Variants in CSMD1 observed in about 807,000 individuals in gnomAD.
CSMD1 encodes the protein CUB and Sushi multiple domains 1.
Under a neutral mutation model 417.5 loss-of-function variants are expected in CSMD1, and 213 were observed. The ratio of observed to expected loss-of-function variants is 0.51; its 90% confidence interval spans 0.46 to 0.57. The LOEUF is 0.57. Ranked by LOEUF, CSMD1 falls within the 20% of genes least tolerant of loss-of-function variation. CSMD1 has a pLI of 0.00. For synonymous variants in CSMD1, 2,862 were observed against 1,736.8 expected (o/e 1.65, Z -16.11); for missense variants, 6,923 against 4,529.7 (o/e 1.53, Z -15.17).
intron 2 of CSMD1, among the ~76,000 whole-genome samples, chr8:4,477,648 G>A (rs578084775): frequency 2.6e-5 from 4 of 152,174 alleles, no homozygotes; most frequent in South Asian, 2.1e-4. Flanking sequence ...CTAAGAAATC[G>A]TTGACTGGGT....
At chr8:3,980,204 G>C (rs1308361822) in intron 5 of CSMD1, among the ~76,000 whole-genome samples, 1 of 152,148 alleles carries the variant, frequency 6.6e-6, no homozygotes, top group Non-Finnish European at 1.5e-5. Context: ...ATCAAAATTA[G>C]CTATGCCTCA....
chr8:3,015,139 C>T (rs547336949), intron 52 of CSMD1, among the ~76,000 whole-genome samples: 4 of 151,550 alleles, frequency 2.6e-5, no homozygotes, highest in South Asian at 2.1e-4. Context: ...CATTTTCATA[C>T]CAGTTTCAAG....
At chr8:3,343,266 G>A (rs768976488) in intron 23 of CSMD1, 28 bp downstream of exon 23, 1 of 1,597,224 alleles carries the variant, frequency 6.3e-7, no homozygotes, top group Non-Finnish European at 8.6e-7. Context: ...AATGAAAAAA[G>A]AACGTGATTA....
intron 10 of CSMD1, among the ~76,000 whole-genome samples, chr8:3,533,685 T>A (rs1037211388): frequency 2.0e-5 from 3 of 152,262 alleles, no homozygotes; most frequent in Non-Finnish European, 1.5e-5. Flanking sequence ...TAACACTTAT[T>A]TCACCACACG....
chr8:3,387,351 A>G (rs1811068041), intron 18 of CSMD1, 143 bp downstream of exon 18: 3 of 612,378 alleles, frequency 4.9e-6, no homozygotes, highest in Admixed American at 3.0e-5. Context: ...GAATGATACG[A>G]TGATGGTATA....
chr8:3,670,688 G>A (rs1185843735), intron 7 of CSMD1, among the ~76,000 whole-genome samples: 1 of 145,040 alleles, frequency 6.9e-6, no homozygotes, highest in Non-Finnish European at 1.5e-5. Context: ...TATATGTATG[G>A]GATATATGTA....
intron 3 of CSMD1, among the ~76,000 whole-genome samples, chr8:4,071,974 C>G (rs1305920432): frequency 6.6e-6 from 1 of 152,092 alleles, no homozygotes; most frequent in Non-Finnish European, 1.5e-5. Flanking sequence ...CTAGAGCTCT[C>G]CTTTCTGGGA....
At chr8:4,401,363 T>A (rs898527097) in intron 3 of CSMD1, among the ~76,000 whole-genome samples, 2 of 152,190 alleles carry the variant, frequency 1.3e-5, no homozygotes, top group African/African-American at 4.8e-5. Flanking sequence ...GTTATTACAT[T>A]TTATTCACCA....
At chr8:3,206,411 CTGTGT>C (rs1797267780) in intron 30 of CSMD1, among the ~76,000 whole-genome samples, 2 of 89,542 alleles carry the variant, frequency 2.2e-5, no homozygotes, top group Non-Finnish European at 4.1e-5. Flanking sequence ...GGGGTTATGT[CTGTGT>C]GTGTATGTGT....
intron 10 of CSMD1, among the ~76,000 whole-genome samples, chr8:3,500,409 G>A (rs529025251): frequency 6.6e-6 from 1 of 152,136 alleles, no homozygotes; most frequent in East Asian, 1.9e-4. Flanking sequence ...GAGCTTGGGA[G>A]AGGTTCACGA....
intron 10 of CSMD1, among the ~76,000 whole-genome samples, chr8:3,507,564 C>G (rs547001041): frequency 1.3e-5 from 2 of 152,074 alleles, no homozygotes; most frequent in African/African-American, 4.8e-5. Flanking sequence ...GTTCTAGATC[C>G]CTGAGGAATC....
At chr8:3,986,458 C>T (rs911958217) in intron 5 of CSMD1, among the ~76,000 whole-genome samples, 4 of 152,122 alleles carry the variant, frequency 2.6e-5, no homozygotes, top group African/African-American at 9.7e-5. Context: ...AGGGTATAGC[C>T]ATGTGCAAAG....
intron 1 of CSMD1, among the ~76,000 whole-genome samples, chr8:4,928,110 C>A (rs1806994030): frequency 6.6e-6 from 1 of 152,146 alleles, no homozygotes; most frequent in African/African-American, 2.4e-5. Context: ...ATCCTCAGCC[C>A]ACTTTGCTAT....
chr8:4,679,996 A>C (rs1805936121), intron 1 of CSMD1, among the ~76,000 whole-genome samples: 1 of 152,198 alleles, frequency 6.6e-6, no homozygotes, highest in Non-Finnish European at 1.5e-5. Context: ...AACAGCTTGT[A>C]ATTTGTTTTA....
Position 4,897,237 on chromosome 8 carries a change from T to G in CSMD1, c.85+97095A>C, listed in dbSNP as rs758429910. On this transcript the variant is annotated intron_variant, in intron 1 of 69. Coordinates refer to ENST00000635120, the MANE Select transcript of CSMD1 (RefSeq NM_033225.6). ...CAACACGTCTGTTTTGTTTCTACTG[T>G]GTCAAAATCCTTTCATCGTATCAAC... Among the ~76,000 whole-genome samples the G allele has an allele frequency of 1.5e-4, 23 of 152,230 alleles. 1 individual carries two copies. The highest frequency in any genetic ancestry group is 2.2e-4 in the Non-Finnish European group (15 of 68,024).
intron 5 of CSMD1, among the ~76,000 whole-genome samples, chr8:3,896,744 G>GT (rs986079506): frequency 3.9e-4 from 59 of 151,760 alleles, no homozygotes; most frequent in African/African-American, 1.1e-3. Context: ...TCCTGAATAT[G>GT]TTTTTTTTAA....
At chr8:4,011,539 C>T (rs893386610) in intron 4 of CSMD1, among the ~76,000 whole-genome samples, 2 of 152,144 alleles carry the variant, frequency 1.3e-5, no homozygotes, top group African/African-American at 4.8e-5. Flanking sequence ...TGCAGAAGGC[C>T]CACATGTCAG....
chr8:4,932,108 A>C (rs901186200), intron 1 of CSMD1, among the ~76,000 whole-genome samples: 1 of 152,234 alleles, frequency 6.6e-6, no homozygotes, highest in African/African-American at 2.4e-5. Flanking sequence ...TTTCATTTGG[A>C]ATCTTTCAAT....
intron 3 of CSMD1, among the ~76,000 whole-genome samples, chr8:4,081,296 T>C (rs78322901): frequency 0.12 from 18,101 of 152,198 alleles, 1,171 homozygotes; most frequent in Middle Eastern, 0.18. Context: ...TCCTAGCAGG[T>C]AAGCTCTATG....
Sources: allele counts gnomAD v4.1 joint callset (sites outside exome capture counted in the v4.1 genomes callset), GRCh38; gene constraint gnomAD v4.1.1; transcripts MANE v1.5; gene names NCBI Gene and HGNC (gene_info 2026-07-23, HGNC 2026-07-21).